The following ATG7 variants were observed in gnomAD, a reference collection of about 807,000 sequenced individuals.
ATG7 encodes ubiquitin-like modifier-activating enzyme ATG7.
In ATG7, 70 loss-of-function variants were observed where a neutral mutation model predicts 82.4. The observed-to-expected ratio is 0.85, with a 90% confidence interval of 0.70 to 1.04. ATG7 has a LOEUF of 1.04. ATG7 is among the 50% of genes least tolerant of loss of function. The probability of loss-of-function intolerance (pLI) is 0.00; values close to 1 mark genes in which losing one functional copy is unlikely to be tolerated. For synonymous variants in ATG7, 287 were observed against 313.0 expected, an observed-to-expected ratio of 0.92 and a Z score of 0.88; for missense variants, 792 against 864.3, an observed-to-expected ratio of 0.92 and a Z score of 1.05.
intron 5 of ATG7, among the ~76,000 whole-genome samples, chr3:11,300,213 A>G (rs1176676095): frequency 6.6e-6 from 1 of 152,126 alleles, no homozygotes; most frequent in African/African-American, 2.4e-5. Context: ...TACACGATCG[A>G]GCCACCACAC....
chr3:11,424,055 A>G (rs904626203), intron 19 of ATG7, among the ~76,000 whole-genome samples: 3 of 151,876 alleles, frequency 2.0e-5, no homozygotes, highest in African/African-American at 7.3e-5. Context: ...GTCACAGAGG[A>G]CTTCCTGCCA....
At chr3:11,483,421 T>C (rs1232031232) in intron 20 of ATG7, among the ~76,000 whole-genome samples, 1 of 152,204 alleles carries the variant, frequency 6.6e-6, no homozygotes, top group Non-Finnish European at 1.5e-5. Flanking sequence ...CTTTCCTTTT[T>C]CTGTCAAAGT....
intron 20 of ATG7, among the ~76,000 whole-genome samples, chr3:11,458,893 A>G (rs1288970372): frequency 2.6e-5 from 4 of 152,192 alleles, no homozygotes; most frequent in African/African-American, 9.7e-5. Context: ...CTGTCAGATC[A>G]GCGGAGCATT....
Position 11,538,242 on chromosome 3 carries a change from C to T in ATG7, c.2080-16569C>T, listed in dbSNP as rs77439194. Among the ~76,000 whole-genome samples the T allele has an allele frequency of 1.1e-3, 171 of 152,304 alleles. 2 individuals are homozygous for T. The South Asian group carries it at 0.016, about 14-fold the overall frequency. On this transcript the variant is annotated intron_variant, in intron 20 of 20. Transcript: ENST00000693202. ...AGGCTGGGTGGCACTGCCCTCTCAA[C>T]GCTGACCTGTCAGCTGGTTCAGGAA...
intron 18 of ATG7, among the ~76,000 whole-genome samples, chr3:11,378,721 A>ATGTTT (rs201365166): frequency 0.02 from 2,921 of 145,182 alleles, 49 homozygotes; most frequent in African/African-American, 0.029. Flanking sequence ...TGCTGTAGGC[A>ATGTTT]TGTTTTTCCA....
At chr3:11,407,827 G>T (rs1447337594) in intron 19 of ATG7, among the ~76,000 whole-genome samples, 1 of 152,180 alleles carries the variant, frequency 6.6e-6, no homozygotes, top group African/African-American at 2.4e-5. Context: ...ACACAGCACA[G>T]GGACCCTGGG....
At position 11,545,643 on chromosome 3, in the gene ATG7, C is replaced by T. The variant is rs961452210; in HGVS notation, c.2080-9168C>T. On this transcript the variant is annotated intron_variant, in intron 20 of 20. Transcript: ENST00000693202. ...CCAGCCCTGTCCCCTCTCTGGGCCTCGGGGCTGTGCTTGGGCTCCGTGTCC... is the reference window on the plus strand; with the variant it reads ...CCAGCCCTGTCCCCTCTCTGGGCCTTGGGGCTGTGCTTGGGCTCCGTGTCC... 5.9e-5 allele frequency among the ~76,000 whole-genome samples: 9 copies of T among 151,948 alleles called. 1 individual carries two copies. Among genetic ancestry groups the T allele is most frequent in the Admixed American group, 2.0e-4 (3 of 15,270 alleles).
chr3:11,348,332 G>GTTAAGTTA (rs1954895495), intron 14 of ATG7: 1 of 303,520 alleles, frequency 3.3e-6, no homozygotes, highest in Admixed American at 4.7e-5. Flanking sequence ...GAGTGTTACA[G>GTTAAGTTA]CTCTTAAAGA....
At chr3:11,561,902 T>TG (rs984681676), downstream of ATG7, among the ~76,000 whole-genome samples, 1 of 148,068 alleles carries the variant, frequency 6.8e-6, no homozygotes, top group African/African-American at 2.5e-5. Context: ...TTTTTTTTTT[T>TG]TTTTTTTTTT....
chr3:11,475,413 G>T (rs943396747), intron 20 of ATG7, among the ~76,000 whole-genome samples: 1 of 152,174 alleles, frequency 6.6e-6, no homozygotes, highest in Admixed American at 6.5e-5. Context: ...AGAGCTGCAT[G>T]ATGGGCAGGG....
intron 9 of ATG7, among the ~76,000 whole-genome samples, chr3:11,316,956 A>C (rs1429566679): frequency 6.6e-6 from 1 of 152,094 alleles, no homozygotes; most frequent in Non-Finnish European, 1.5e-5. Context: ...AGCACATTTT[A>C]AAATCAACTA....
chr3:11,411,063 T>C (rs112831481), intron 19 of ATG7, among the ~76,000 whole-genome samples: 12 of 152,340 alleles, frequency 7.9e-5, no homozygotes, highest in Non-Finnish European at 1.2e-4. Flanking sequence ...CAATCAGCAA[T>C]GTAGAAGTCT....
chr3:11,318,962 T>C (rs1403915518), intron 9 of ATG7, among the ~76,000 whole-genome samples: 2 of 152,218 alleles, frequency 1.3e-5, no homozygotes, highest in Non-Finnish European at 2.9e-5. Flanking sequence ...GTCTCCAAAG[T>C]AATTGTTGAT....
downstream of ATG7, chr3:11,559,446 AG>A: frequency 6.4e-7 from 1 of 1,564,942 alleles, no homozygotes; most frequent in Non-Finnish European, 8.7e-7. Context: ...GTGATCACGG[AG>A]GGCCGGTTCT....
At chr3:11,360,154 T>G (rs2076195728) in intron 15 of ATG7, among the ~76,000 whole-genome samples, 1 of 152,264 alleles carries the variant, frequency 6.6e-6, no homozygotes, top group African/African-American at 2.4e-5. Flanking sequence ...CAAGCATTTC[T>G]CATGCCTCTG....
intron 20 of ATG7, among the ~76,000 whole-genome samples, chr3:11,431,648 G>A (rs1388984695): frequency 1.3e-5 from 2 of 152,148 alleles, no homozygotes; most frequent in African/African-American, 2.4e-5. Context: ...GATCCTTTGT[G>A]TCTGGCATCT....
In ATG7 at chr3:11,469,988, CA is replaced by C. The variant is rs10628540; in HGVS notation, c.2079+43083del. 5.8e-3 allele frequency among the ~76,000 whole-genome samples: 506 copies of C among 87,498 alleles called. 3 individuals are homozygous for C. Among genetic ancestry groups the C allele is most frequent in the African/African-American group, 0.022 (450 of 20,880 alleles). 57.4% of individuals were successfully genotyped at this position (87,498 alleles called of 152,430 possible). ...TGGGTGACGGAACGAGACTCCATCT[CA>C]AAAAAAAAAAAAAAAAAAAAGAGAG... On this transcript the variant is annotated intron_variant, in intron 20 of 20. Coordinates refer to ENST00000693202, the MANE Select transcript of ATG7 (RefSeq NM_001349232.2).
At chr3:11,292,522 A>T (rs1292099092) in intron 3 of ATG7, among the ~76,000 whole-genome samples, 2 of 152,108 alleles carry the variant, frequency 1.3e-5, no homozygotes, top group African/African-American at 4.8e-5. Context: ...GGCCTCCCAA[A>T]GTGCTAGGAT....
At chr3:11,538,965 A>T (rs2070592460) in intron 20 of ATG7, among the ~76,000 whole-genome samples, 1 of 152,120 alleles carries the variant, frequency 6.6e-6, no homozygotes, top group South Asian at 2.1e-4. Context: ...GTCCTCCTGG[A>T]AGAGAGCATG....
Sources: gnomAD v4.1 joint callset for allele counts (sites outside exome capture counted in the v4.1 genomes callset) on GRCh38, gnomAD v4.1.1 for gene constraint, MANE v1.5 for transcripts, NCBI Gene and HGNC (gene_info 2026-07-23, HGNC 2026-07-21) for gene names.